Variants in RYR3 observed in about 807,000 individuals in gnomAD.
RYR3 encodes the protein brain ryanodine receptor-calcium release channel.
RYR3 carries 207 observed loss-of-function variants against 584.3 expected under a neutral mutation model. That is an observed-to-expected ratio of 0.35 (90% confidence interval 0.32 to 0.40). RYR3 has a LOEUF of 0.40. RYR3 is among the 10% of genes least tolerant of loss of function. The probability of loss-of-function intolerance (pLI) is 1.00; values close to 1 mark genes in which losing one functional copy is unlikely to be tolerated. For synonymous variants in RYR3, 2,416 were observed against 2,248.5 expected, an observed-to-expected ratio of 1.07 and a Z score of -2.11; for missense variants, 5,616 against 6,089.2, an observed-to-expected ratio of 0.92 and a Z score of 2.59.
intron 1 of RYR3, among the ~76,000 whole-genome samples, chr15:33,341,365 A>G (rs1034278517): frequency 4.6e-5 from 7 of 151,998 alleles, no homozygotes; most frequent in Non-Finnish European, 8.8e-5. Flanking sequence ...GCATTTGAAC[A>G]TGTTTTCAGA....
Position 33,553,588 on chromosome 15 carries a change from A to G in RYR3, c.972+3272A>G, listed in dbSNP as rs1416603051. 2.3e-4 allele frequency among the ~76,000 whole-genome samples: 9 copies of G among 39,180 alleles called. No homozygotes were observed. In the Admixed American group the frequency reaches 2.6e-3, roughly 11 times the overall value. The allele number at this position is 39,180 out of a possible 152,430, so 25.7% of individuals were successfully genotyped here. A position where few individuals can be genotyped will look rare whatever the true frequency, so the allele number is the denominator to read the frequency against. On this transcript the variant is annotated intron_variant, in intron 10 of 103. Coordinates refer to ENST00000634891, the MANE Select transcript of RYR3 (RefSeq NM_001036.6). ...ACTTTGAGCAGGCTATACAAATCACATAGAATAAGGAGCAAGGAGCAGGAT... is the reference window on the plus strand; with the variant it reads ...ACTTTGAGCAGGCTATACAAATCACGTAGAATAAGGAGCAAGGAGCAGGAT...
At chr15:33,781,858 A>G (rs377190814) in intron 65 of RYR3, among the ~76,000 whole-genome samples, 6,396 of 129,500 alleles carry the variant, frequency 0.049, 205 homozygotes, top group Non-Finnish European at 0.077. Context: ...AAAAAAAAAA[A>G]AGGGGGGGGG....
chr15:33,427,395 G>A (rs982584698), intron 1 of RYR3, among the ~76,000 whole-genome samples: 10 of 152,272 alleles, frequency 6.6e-5, no homozygotes, highest in Admixed American at 3.3e-4. Context: ...GATCATGTGA[G>A]CCCAGGAGTT....
intron 36 of RYR3, among the ~76,000 whole-genome samples, chr15:33,663,948 T>C (rs1362240109): frequency 1.3e-5 from 2 of 152,164 alleles, no homozygotes; most frequent in Non-Finnish European, 2.9e-5. Context: ...CTTTCTAAAC[T>C]GCACACGTGG....
chr15:33,718,359 G>A (rs1198626143), intron 43 of RYR3, among the ~76,000 whole-genome samples: 1 of 151,892 alleles, frequency 6.6e-6, no homozygotes, highest in Non-Finnish European at 1.5e-5. Flanking sequence ...ACTTATTGAA[G>A]AAATATATTT....
chr15:33,733,363 G>A lies in RYR3; in HGVS notation c.7424+1669G>A, dbSNP rs543474727. On this transcript the variant is annotated intron_variant, in intron 48 of 103. Transcript: ENST00000634891. ...GGAGCAATCAAGATGTTTCTGAGTG[G>A]GCGAATGGATAAATAAACTGTGGTA... 6.8e-4 allele frequency among the ~76,000 whole-genome samples: 103 copies of A among 152,240 alleles called. 1 individual carries two copies. The highest frequency in any genetic ancestry group is 2.4e-3 in the African/African-American group (99 of 41,544).
chr15:33,664,651 A>G (rs951274492), intron 36 of RYR3, among the ~76,000 whole-genome samples: 1 of 139,048 alleles, frequency 7.2e-6, no homozygotes, highest in Non-Finnish European at 1.5e-5. Context: ...TGCAAAATGT[A>G]GGTAATCTTT....
chr15:33,312,562 A>G (rs959900267), intron 1 of RYR3, among the ~76,000 whole-genome samples: 1 of 152,040 alleles, frequency 6.6e-6, no homozygotes, highest in Admixed American at 6.6e-5. Context: ...GCTCCCCTCA[A>G]AGCTCCATCA....
intron 2 of RYR3, among the ~76,000 whole-genome samples, 162 bp downstream of exon 2, chr15:33,473,700 G>T (rs1050686357): frequency 1.3e-5 from 2 of 152,182 alleles, no homozygotes; most frequent in African/African-American, 4.8e-5. Flanking sequence ...CTTTCCACAA[G>T]CCTAGGAATC....
chr15:33,459,157 A>G (rs1567282960), intron 1 of RYR3, among the ~76,000 whole-genome samples: 1 of 152,134 alleles, frequency 6.6e-6, no homozygotes, highest in African/African-American at 2.4e-5. Context: ...GCATCAATAT[A>G]TTTTTACAGG....
intron 87 of RYR3, 29 bp downstream of exon 87, chr15:33,835,101 A>G: frequency 6.6e-7 from 1 of 1,525,820 alleles, no homozygotes; most frequent in South Asian, 1.1e-5. Flanking sequence ...TGCACGTGTC[A>G]TTGTTGTGAA....
chr15:33,821,450 C>T (rs1323920178), intron 79 of RYR3, 73 bp from the exon 80 acceptor site: 5 of 1,591,498 alleles, frequency 3.1e-6, no homozygotes. Context: ...TATTAAAGAG[C>T]CCTGCTAAGG....
chr15:33,789,624 T>TTATAAATA (rs1555458202), intron 67 of RYR3, among the ~76,000 whole-genome samples: 1 of 11,694 alleles, frequency 8.6e-5, no homozygotes, highest in African/African-American at 2.2e-4. Flanking sequence ...AGGTTTTATT[T>TTATAAATA]TATATATATA....
Position 33,660,283 on chromosome 15 carries a change from C to T in RYR3, c.4482C>T (p.Thr1494=), listed in dbSNP as rs1038180537. Residue 1494 remains threonine, a synonymous_variant, in exon 34 of 104, where the codon ACC becomes ACT. Coordinates refer to ENST00000634891, the MANE Select transcript of RYR3 (RefSeq NM_001036.6). ...GTCCACCTCGGCTGGACGTCCAAAC[C>T]ATCCAGCCCGTGCTCTGGAGCCGCA... ...PQCPPRLDVQ[T]IQPVLWSRMP... is the part of the protein sequence containing the mutation. The T allele has an allele frequency of 2.6e-5, 41 of 1,562,550 alleles. No individual in the cohort carries two copies. Among genetic ancestry groups the T allele is most frequent in the Non-Finnish European group, 3.3e-5 (38 of 1,153,514 alleles).
At chr15:33,640,728 C>T (rs777555515) in intron 27 of RYR3, among the ~76,000 whole-genome samples, 18 of 152,172 alleles carry the variant, frequency 1.2e-4, no homozygotes, top group Non-Finnish European at 2.6e-4. Flanking sequence ...ATATTCTTGC[C>T]ATTTCCTTCC....
intron 46 of RYR3, 37 bp from the exon 47 acceptor site, chr15:33,728,820 A>C: frequency 6.3e-7 from 1 of 1,585,512 alleles, no homozygotes; most frequent in Non-Finnish European, 8.6e-7. Flanking sequence ...CTTTGGAGAC[A>C]GGAAAAGGGA....
chr15:33,585,917 G>A (rs887898647), intron 15 of RYR3, 81 bp from the exon 16 acceptor site: 3 of 796,956 alleles, frequency 3.8e-6, no homozygotes, highest in Non-Finnish European at 6.7e-6. Context: ...AGGAAGGACT[G>A]TTCATACTCA....
chr15:33,671,386 A>C (rs994977058), intron 38 of RYR3, among the ~76,000 whole-genome samples: 1 of 152,170 alleles, frequency 6.6e-6, no homozygotes, highest in Non-Finnish European at 1.5e-5. Context: ...TTCAAATCGT[A>C]GACTAGAGCA....
intron 43 of RYR3, among the ~76,000 whole-genome samples, chr15:33,707,956 A>T (rs2066835921): frequency 6.6e-6 from 1 of 152,036 alleles, no homozygotes; most frequent in Non-Finnish European, 1.5e-5. Context: ...TTAATATTTA[A>T]ATGGTTTCTT....
Sources: allele counts gnomAD v4.1 joint callset (sites outside exome capture counted in the v4.1 genomes callset), GRCh38; gene constraint gnomAD v4.1.1; transcripts MANE v1.5; gene names NCBI Gene and HGNC (gene_info 2026-07-23, HGNC 2026-07-21).